The following NUP107 variants were observed in gnomAD, a reference collection of about 807,000 sequenced individuals.
NUP107 encodes the protein nucleoporin 107, also known as nuclear pore complex protein Nup107.
NUP107 carries 101 observed loss-of-function variants against 141.0 expected under a neutral mutation model. The ratio of observed to expected loss-of-function variants is 0.72; its 90% CI spans 0.61 to 0.84. NUP107 has a LOEUF of 0.84. NUP107 is among the 40% of genes least tolerant of loss of function. The probability of loss-of-function intolerance (pLI) is 0.00; values close to 1 mark genes in which losing one functional copy is unlikely to be tolerated. For missense variants in NUP107, 941 were observed against 1,102.7 expected (o/e 0.85, Z 2.08); for synonymous variants, 319 against 363.9 (o/e 0.88, Z 1.41).
intron 10 of NUP107, among the ~76,000 whole-genome samples, chr12:68,712,181 T>A (rs1278421110): frequency 6.6e-6 from 1 of 152,022 alleles, no homozygotes; most frequent in African/African-American, 2.4e-5. Context: ...TTGCAAAAGA[T>A]TTTTAAAAGG....
intron 8 of NUP107, chr12:68,707,034 A>G (rs1876616747): frequency 3.3e-6 from 2 of 601,410 alleles, no homozygotes; most frequent in Admixed American, 5.7e-5. Flanking sequence ...CACGATGGAA[A>G]GCTAGTGTCT....
chr12:68,730,102 T>C (rs1297655259), intron 20 of NUP107, among the ~76,000 whole-genome samples: 1 of 151,620 alleles, frequency 6.6e-6, no homozygotes, highest in Non-Finnish European at 1.5e-5. Flanking sequence ...GCTGGTACTA[T>C]AGACACGTGC....
Position 68,732,642 on chromosome 12 carries a change from T to A in NUP107, c.2004T>A (p.Asp668Glu), listed in dbSNP as rs758430343. The change falls in exon 23 of 28, where the codon GAT becomes GAA. Residue 668 changes from aspartate to glutamate, a missense_variant. By Grantham distance (45) the Asp-to-Glu change is conservative. Transcript: ENST00000229179. The part of the protein sequence containing the change: ...PALDTGTTEE[D>E]RLKIDVIDWL... The stretch of plus-strand genomic sequence containing the variant: ...TTTTCCCCTTTAATAAATAGGAGGA[T>A]CGTTTAAAAATTGATGTAATTGACT... 6.3e-7 allele frequency: 1 copy of A among 1,582,948 alleles called. No homozygotes were observed. The highest frequency in any genetic ancestry group is 8.6e-7 in the Non-Finnish European group (1 of 1,159,944).
intron 3 of NUP107, 114 bp downstream of exon 3, chr12:68,689,733 A>G (rs1252058650): frequency 1.5e-6 from 1 of 688,434 alleles, no homozygotes; most frequent in South Asian, 1.9e-5. Flanking sequence ...AAGCACTAAT[A>G]ATAATGATTG....
intron 7 of NUP107, among the ~76,000 whole-genome samples, chr12:68,702,529 T>C (rs1475884916): frequency 6.6e-6 from 1 of 152,176 alleles, no homozygotes; most frequent in African/African-American, 2.4e-5. Context: ...CCTCCCAAAG[T>C]GCTGGGATTA....
At chr12:68,691,778 G>C (rs934782758) in intron 4 of NUP107, among the ~76,000 whole-genome samples, 190 bp from the exon 5 acceptor site, 1 of 151,072 alleles carries the variant, frequency 6.6e-6, no homozygotes, top group Non-Finnish European at 1.5e-5. Flanking sequence ...AGGTTGCGTT[G>C]AGCCATGATC....
intron 22 of NUP107, 115 bp downstream of exon 22, chr12:68,731,834 ATG>A (rs1305491504): frequency 1.6e-6 from 1 of 606,770 alleles, no homozygotes; most frequent in Non-Finnish European, 2.8e-6. Flanking sequence ...TTTTTTAAGA[ATG>A]TGTCTTTGTC....
Position 68,731,152 on chromosome 12 carries a change from A to G in NUP107, c.1777A>G (p.Thr593Ala), listed in dbSNP as rs1374947336. Residue 593 changes from threonine to alanine, a missense_variant, in exon 21 of 28, where the codon ACC (threonine) becomes GCC (alanine). Physicochemically the swap from Thr to Ala is moderately conservative, Grantham distance 58 (BLOSUM62 0). Transcript: ENST00000229179. ...EKHTNLIAFYTCHLPQDLAVA... is the reference protein window; with the variant it reads ...EKHTNLIAFYACHLPQDLAVA... ...ACATACAAATCTTATAGCATTTTATACCTGTCATTTGCCTCAAGACCTAGC... is the reference window on the plus strand; with the variant it reads ...ACATACAAATCTTATAGCATTTTATGCCTGTCATTTGCCTCAAGACCTAGC... The G allele has an allele frequency of 6.2e-7, 1 of 1,609,238 alleles. No individual in the cohort carries two copies. The highest frequency in any genetic ancestry group is 1.7e-5 in the Admixed American group (1 of 59,224).
intron 26 of NUP107, chr12:68,740,363 A>G (rs1878273566): frequency 6.6e-6 from 1 of 152,236 alleles, no homozygotes; most frequent in Non-Finnish European, 1.5e-5. Flanking sequence ...GGTAGCAAGT[A>G]TCTATTTGAG....
At chr12:68,687,306 A>G in intron 1 of NUP107, 1 of 681,954 alleles carries the variant, frequency 1.5e-6, no homozygotes, top group South Asian at 2.7e-5. Flanking sequence ...ACGTTCTGCG[A>G]TCTATTCGGC....
Position 68,744,345 on chromosome 12 carries a change from C to T in NUP107, c.*1883C>T, listed in dbSNP as rs1565708213. The T allele has an allele frequency of 1.3e-5, 2 of 152,120 alleles. No homozygotes were observed. The highest frequency in any genetic ancestry group is 4.8e-5 in the African/African-American group (2 of 41,406). The allele number at this position is 152,120 out of a possible 1,614,324, so 9.4% of individuals were successfully genotyped here. ...TACAAAATTCCTTCAACCTTAGACTCTTAATTAGGATGCCCTCAAATGGAC... is the reference window on the plus strand; with the variant it reads ...TACAAAATTCCTTCAACCTTAGACTTTTAATTAGGATGCCCTCAAATGGAC... On this transcript the variant is annotated 3_prime_UTR_variant, in exon 28 of 28. Coordinates refer to ENST00000229179, the MANE Select transcript of NUP107 (RefSeq NM_020401.4).
chr12:68,707,208 T>G (rs1045418222), intron 8 of NUP107: 1 of 406,424 alleles, frequency 2.5e-6, no homozygotes, highest in Admixed American at 4.0e-5. Context: ...GGGAGTTTAC[T>G]GCCTGGGGTA....
At chr12:68,701,109 T>C in intron 7 of NUP107, among the ~76,000 whole-genome samples, 1 of 152,214 alleles carries the variant, frequency 6.6e-6, no homozygotes, top group East Asian at 1.9e-4. Flanking sequence ...ATACTTAGGC[T>C]AAATTAAGAA....
Position 68,744,784 on chromosome 12 carries a change from A to G in NUP107, c.*2322A>G, listed in dbSNP as rs1878458401. ...CAAGAGTGCCAATGTGCTCCTCACA[A>G]TTCCCAAATGCCTCTCTTCCTGAAC... On this transcript the variant is annotated 3_prime_UTR_variant, in exon 28 of 28. Coordinates refer to ENST00000229179, the MANE Select transcript of NUP107 (RefSeq NM_020401.4). 1 of 152,222 alleles carries G rather than the reference A, an allele frequency of 6.6e-6. No individual in the cohort carries two copies. The highest frequency in any genetic ancestry group is 2.4e-5 in the African/African-American group (1 of 41,454). The allele number at this position is 152,222 out of a possible 1,614,324, so 9.4% of individuals were successfully genotyped here.
At chr12:68,738,771 G>C (rs1210260841) in intron 26 of NUP107, among the ~76,000 whole-genome samples, 1 of 152,114 alleles carries the variant, frequency 6.6e-6, no homozygotes, top group Non-Finnish European at 1.5e-5. Context: ...GCACATTCTA[G>C]TCCAAGCCTC....
rs1354510327 is a variant in NUP107 at position 68,715,631 on chromosome 12, C to A, written c.974C>A (p.Pro325His). 5 of 1,597,982 alleles carry A rather than the reference C, an allele frequency of 3.1e-6. No individual in the cohort carries two copies. Among genetic ancestry groups the A allele is most frequent in the Non-Finnish European group, 4.3e-6 (5 of 1,165,762 alleles). Residue 325 changes from proline to histidine, a missense_variant, in exon 12 of 28, where the codon CCT becomes CAT. Physicochemically the swap from Pro to His is moderately conservative, Grantham distance 77. Transcript: ENST00000229179. Reference sequence around the variant, plus strand: ...GACTTTTTTTTCTTCTTACAGGACCCTGATGCTCCCATAAGACAGAAAATG... The same window carrying A: ...GACTTTTTTTTCTTCTTACAGGACCATGATGCTCCCATAAGACAGAAAATG... ...SVRPLVTELD[P>H]DAPIRQKMPL...
chr12:68,725,859 C>CTTTGTCTCAA, intron 18 of NUP107, 63 bp downstream of exon 18: 1 of 573,634 alleles, frequency 1.7e-6, no homozygotes, highest in Non-Finnish European at 2.8e-6. Context: ...TTTTTTGAGA[C>CTTTGTCTCAA]AAAGTCTCAC....
At chr12:68,723,796 G>C (rs1203813853) in intron 17 of NUP107, among the ~76,000 whole-genome samples, 1 of 152,060 alleles carries the variant, frequency 6.6e-6, no homozygotes, top group Non-Finnish European at 1.5e-5. Flanking sequence ...CTATTCATAA[G>C]GCTGAGCATG....
chr12:68,702,549 G>A (rs920957880), intron 7 of NUP107, among the ~76,000 whole-genome samples, 187 bp from the exon 8 acceptor site: 1 of 152,168 alleles, frequency 6.6e-6, no homozygotes, highest in African/African-American at 2.4e-5. Flanking sequence ...ACAGGTATGA[G>A]CCAGTGTGCC....
Sources: gnomAD v4.1 joint callset for allele counts (sites outside exome capture counted in the v4.1 genomes callset) on GRCh38, gnomAD v4.1.1 for gene constraint, MANE v1.5 for transcripts, NCBI Gene and HGNC (gene_info 2026-07-23, HGNC 2026-07-21) for gene names.